The following GABRA3 variants were observed in gnomAD, a reference collection of about 807,000 sequenced individuals.
GABRA3 encodes gamma-aminobutyric acid receptor subunit alpha-3.
Under a neutral mutation model 30.1 loss-of-function variants are expected in GABRA3, and 10 were observed. The ratio of observed to expected loss-of-function variants is 0.33; its 90% CI spans 0.20 to 0.56. GABRA3 has a LOEUF of 0.56. GABRA3 is among the 20% of genes least tolerant of loss of function. The pLI is 0.89. For synonymous variants in GABRA3, 151 were observed against 146.8 expected (o/e 1.03, Z -0.21); for missense variants, 233 against 392.0 (o/e 0.59, Z 3.42).
At chrX:152,424,109 T>C (rs1351808637) in intron 1 of GABRA3, among the ~76,000 whole-genome samples, 2 of 110,795 alleles carry the variant, frequency 1.8e-5, no homozygotes, top group African/African-American at 3.3e-5. Context: ...AACTGTGTGA[T>C]TGAATTAATT....
chrX:152,391,697 C>A (rs767504781), intron 1 of GABRA3, among the ~76,000 whole-genome samples: 104 of 111,352 alleles, frequency 9.3e-4, no homozygotes, highest in African/African-American at 3.2e-3. Flanking sequence ...TGAAATACAA[C>A]ACAGCAATGA....
At chrX:152,193,120 A>AC (rs1386525900) in intron 8 of GABRA3, among the ~76,000 whole-genome samples, 1 of 111,437 alleles carries the variant, frequency 9.0e-6, no homozygotes, top group Non-Finnish European at 1.9e-5. Flanking sequence ...ATCTGGTGAT[A>AC]CCCCTTTCTG....
chrX:152,326,998 G>C (rs1263685111), intron 3 of GABRA3, among the ~76,000 whole-genome samples: 1 of 108,065 alleles, frequency 9.3e-6, no homozygotes, highest in Admixed American at 1.0e-4. Context: ...AAAATAAAGG[G>C]ATGGAGAAAG....
chrX:152,434,885 C>G (rs1007091819), intron 1 of GABRA3, among the ~76,000 whole-genome samples: 1 of 111,133 alleles, frequency 9.0e-6, no homozygotes, highest in Non-Finnish European at 1.9e-5. Flanking sequence ...AAGGGAACTC[C>G]CTCAAACTTA....
At chrX:152,291,317 G>C (rs1939411960) in intron 3 of GABRA3, among the ~76,000 whole-genome samples, 1 of 111,428 alleles carries the variant, frequency 9.0e-6, no homozygotes, top group South Asian at 3.8e-4. Context: ...CTCTCTGTCT[G>C]TTATTGGTGT....
At chrX:152,364,113 T>C (rs759320084) in intron 2 of GABRA3, among the ~76,000 whole-genome samples, 44 of 111,266 alleles carry the variant, frequency 4.0e-4, no homozygotes, top group Non-Finnish European at 6.4e-4. Context: ...TTAAATGCTA[T>C]GGAGCCACAC....
intron 1 of GABRA3, among the ~76,000 whole-genome samples, chrX:152,391,106 A>G (rs969563080): frequency 8.9e-6 from 1 of 111,882 alleles, no homozygotes; most frequent in African/African-American, 3.2e-5. Context: ...CCACAGGCAC[A>G]CTCAGATAAT....
At chrX:152,212,305 AAAAAAAAAAAAAAAAAAAAAAAAAAAT>A (rs1404029992) in intron 6 of GABRA3, among the ~76,000 whole-genome samples, 73 of 75,071 alleles carry the variant, frequency 9.7e-4, no homozygotes, top group Middle Eastern at 7.3e-3. Context: ...AAAAAAAAAA[AAAAAAAAAAAAAAAAAAAAAAAAAAAT>A]TCCAAATTGC....
At chrX:152,233,838 C>T (rs1345567246) in intron 5 of GABRA3, among the ~76,000 whole-genome samples, 13 of 106,041 alleles carry the variant, frequency 1.2e-4, no homozygotes, top group Non-Finnish European at 2.3e-4. Flanking sequence ...AAATGTGGCA[C>T]ATATACACCA....
intron 2 of GABRA3, among the ~76,000 whole-genome samples, chrX:152,349,621 C>A (rs1167611718): frequency 9.6e-6 from 1 of 104,621 alleles, no homozygotes; most frequent in Non-Finnish European, 2.0e-5. Context: ...ATCTACCAAG[C>A]AAATGGAAAA....
At chrX:152,234,119 T>C (rs1164793728) in intron 5 of GABRA3, among the ~76,000 whole-genome samples, 5 of 106,549 alleles carry the variant, frequency 4.7e-5, no homozygotes, top group Non-Finnish European at 9.7e-5. Flanking sequence ...GTGGGTGCAG[T>C]GCACCAGCAT....
chrX:152,395,983 T>C (rs1929650473), intron 1 of GABRA3, among the ~76,000 whole-genome samples: 1 of 112,162 alleles, frequency 8.9e-6, no homozygotes, highest in African/African-American at 3.2e-5. Flanking sequence ...TGAATTGTGT[T>C]CTACAAAAGA....
chrX:152,315,190 G>A (rs1040105371), intron 3 of GABRA3, among the ~76,000 whole-genome samples: 1 of 111,590 alleles, frequency 9.0e-6, no homozygotes, highest in Non-Finnish European at 1.9e-5. Context: ...CCCAAACTGT[G>A]AAAGTGAGAA....
intron 9 of GABRA3, among the ~76,000 whole-genome samples, chrX:152,182,530 T>TATA (rs1281854874): frequency 1.2e-5 from 1 of 82,387 alleles, no homozygotes; most frequent in Non-Finnish European, 2.3e-5. Context: ...ACACACTATA[T>TATA]ATGCATATAT....
At chrX:152,288,111 A>G (rs750550993) in intron 3 of GABRA3, among the ~76,000 whole-genome samples, 1 of 112,079 alleles carries the variant, frequency 8.9e-6, no homozygotes, top group African/African-American at 3.2e-5. Flanking sequence ...TCCTGGTATC[A>G]TAAGTGAGAG....
At chrX:152,246,916 C>T (rs1423614192) in intron 5 of GABRA3, among the ~76,000 whole-genome samples, 1 of 111,765 alleles carries the variant, frequency 8.9e-6, no homozygotes, top group Non-Finnish European at 1.9e-5. Flanking sequence ...TACATTAAAT[C>T]CTATACAACT....
At chrX:152,254,871 C>G (rs1938611887) in intron 5 of GABRA3, among the ~76,000 whole-genome samples, 1 of 111,750 alleles carries the variant, frequency 8.9e-6, no homozygotes, top group African/African-American at 3.2e-5. Flanking sequence ...CAGGAAGTGA[C>G]AACTGATATC....
At chrX:152,171,574 G>A (rs1450386340) in intron 9 of GABRA3, among the ~76,000 whole-genome samples, 1 of 111,385 alleles carries the variant, frequency 9.0e-6, no homozygotes, top group Non-Finnish European at 1.9e-5. Flanking sequence ...ACTTAACTTT[G>A]ACCGAATTGT....
At chrX:152,239,923 A>G (rs1167935716) in intron 5 of GABRA3, among the ~76,000 whole-genome samples, 1 of 101,164 alleles carries the variant, frequency 9.9e-6, no homozygotes, top group Non-Finnish European at 1.9e-5. Context: ...AATACAGCAC[A>G]CTGATGGGTC....
Sources: allele counts gnomAD v4.1 joint callset (sites outside exome capture counted in the v4.1 genomes callset), GRCh38; gene constraint gnomAD v4.1.1; transcripts MANE v1.5; gene names NCBI Gene and HGNC (gene_info 2026-07-23, HGNC 2026-07-21).